The following VWA8 variants were observed in gnomAD, a reference collection of about 807,000 sequenced individuals.
The protein encoded by VWA8 is von Willebrand factor A domain-containing protein 8.
A neutral mutation model predicts 241.5 loss-of-function variants in VWA8; 221 were observed. That is an observed-to-expected ratio of 0.91 (90% CI 0.82 to 1.02). The LOEUF (loss-of-function observed/expected upper bound fraction) is 1.02. VWA8 is among the 50% of genes least tolerant of loss of function. VWA8 has a pLI of 0.00. For missense variants in VWA8, 2,322 were observed against 2,328.7 expected (o/e 1.00, Z 0.06); for synonymous variants, 852 against 827.1 (o/e 1.03, Z -0.52).
chr13:41,861,159 C>T (rs1358334436), intron 12 of VWA8, among the ~76,000 whole-genome samples: 2 of 151,780 alleles, frequency 1.3e-5, no homozygotes, highest in East Asian at 1.9e-4. Context: ...TGCCGTGAGC[C>T]GAGACTGCAC....
chr13:41,892,251 T>A (rs1001118401), intron 4 of VWA8, among the ~76,000 whole-genome samples: 9 of 152,234 alleles, frequency 5.9e-5, no homozygotes, highest in East Asian at 1.9e-4. Context: ...ACTATAGATA[T>A]GAAAAAAATA....
intron 6 of VWA8, 67 bp downstream of exon 6, chr13:41,887,130 A>G (rs1593846180): frequency 9.8e-6 from 15 of 1,528,480 alleles, no homozygotes; most frequent in East Asian, 9.3e-5. Flanking sequence ...ACATTTTTAT[A>G]GCATTGAAGT....
chr13:41,835,735 T>C (rs1383474060), intron 12 of VWA8, among the ~76,000 whole-genome samples: 1 of 152,184 alleles, frequency 6.6e-6, no homozygotes, highest in African/African-American at 2.4e-5. Context: ...CATATAAATA[T>C]ATATGTGTCT....
At chr13:41,920,756 G>A (rs918561731) in intron 2 of VWA8, among the ~76,000 whole-genome samples, 19 of 152,136 alleles carry the variant, frequency 1.2e-4, no homozygotes, top group Non-Finnish European at 8.8e-5. Context: ...GTGAATCCCT[G>A]AAAAGACCAA....
intron 14 of VWA8, among the ~76,000 whole-genome samples, chr13:41,822,187 T>C (rs1870987565): frequency 6.6e-6 from 1 of 152,136 alleles, no homozygotes; most frequent in South Asian, 2.1e-4. Flanking sequence ...ACAGAGCTTT[T>C]AATAAAACAA....
chr13:41,745,046 T>C (rs920803586), intron 21 of VWA8, among the ~76,000 whole-genome samples: 1 of 152,058 alleles, frequency 6.6e-6, no homozygotes, highest in African/African-American at 2.4e-5. Flanking sequence ...TTCACCATGT[T>C]AGCCAGGATG....
chr13:41,610,726 AACT>A (rs1409403055), intron 39 of VWA8, among the ~76,000 whole-genome samples: 1 of 152,126 alleles, frequency 6.6e-6, no homozygotes, highest in African/African-American at 2.4e-5. Flanking sequence ...CTGTTTCCCA[AACT>A]ACTACCAGGT....
At chr13:41,657,517 C>CT (rs2044915647) in intron 37 of VWA8, among the ~76,000 whole-genome samples, 1 of 145,686 alleles carries the variant, frequency 6.9e-6, no homozygotes, top group African/African-American at 2.5e-5. Flanking sequence ...GAGTCTCACT[C>CT]TGTCGCCCAG....
At chr13:41,664,357 G>T (rs1330755908) in intron 37 of VWA8, among the ~76,000 whole-genome samples, 1 of 150,866 alleles carries the variant, frequency 6.6e-6, no homozygotes, top group Non-Finnish European at 1.5e-5. Flanking sequence ...CTTTATCCAT[G>T]GGGTTCTAAA....
intron 20 of VWA8, among the ~76,000 whole-genome samples, chr13:41,763,577 T>A (rs1566447046): frequency 6.6e-6 from 1 of 152,206 alleles, no homozygotes; most frequent in African/African-American, 2.4e-5. Flanking sequence ...AAATTACAAC[T>A]GGTATGTAAA....
chr13:41,787,881 G>A (rs1419107253), intron 17 of VWA8, among the ~76,000 whole-genome samples: 1 of 152,066 alleles, frequency 6.6e-6, no homozygotes, highest in African/African-American at 2.4e-5. Flanking sequence ...ATTTTCTTAA[G>A]TAGATTAAAC....
intron 4 of VWA8, among the ~76,000 whole-genome samples, chr13:41,898,920 C>A (rs1181147585): frequency 6.6e-6 from 1 of 152,156 alleles, no homozygotes; most frequent in African/African-American, 2.4e-5. Flanking sequence ...CAAGCTGGCC[C>A]GCAAGCGCCG....
intron 39 of VWA8, among the ~76,000 whole-genome samples, chr13:41,609,639 G>C (rs2044574647): frequency 6.6e-6 from 1 of 152,108 alleles, no homozygotes; most frequent in Admixed American, 6.6e-5. Flanking sequence ...CAAATGGGAT[G>C]AAAGTCCCAT....
chr13:41,917,650 C>T (rs375379524), intron 2 of VWA8, among the ~76,000 whole-genome samples: 1 of 152,162 alleles, frequency 6.6e-6, no homozygotes, highest in Admixed American at 6.5e-5. Flanking sequence ...GTACCCTGGA[C>T]ACCAGGCTGT....
At chr13:41,622,220 A>C (rs1352526489) in intron 37 of VWA8, among the ~76,000 whole-genome samples, 4 of 152,292 alleles carry the variant, frequency 2.6e-5, no homozygotes, top group Non-Finnish European at 5.9e-5. Context: ...AAAAGATGCA[A>C]GTCAGGAATT....
intron 1 of VWA8, among the ~76,000 whole-genome samples, chr13:41,956,277 A>T (rs866137901): frequency 2.8e-4 from 43 of 152,192 alleles, no homozygotes; most frequent in African/African-American, 1.0e-3. Flanking sequence ...AGACATTGCT[A>T]AATGTCCCCT....
At chr13:41,719,835 G>A in intron 25 of VWA8, 93 bp from the exon 26 acceptor site, 1 of 1,190,648 alleles carries the variant, frequency 8.4e-7, no homozygotes, top group Non-Finnish European at 1.1e-6. Flanking sequence ...ATGATCAAAT[G>A]AACTACAGCA....
Position 41,628,838 on chromosome 13 carries a change from C to T in VWA8, c.4612-13754G>A, listed in dbSNP as rs187501882. Among the ~76,000 whole-genome samples the T allele has an allele frequency of 1.6e-4, 25 of 152,172 alleles. No individual in the cohort carries two copies. The East Asian group carries it at 2.7e-3, about 16-fold the overall frequency. On this transcript the variant is annotated intron_variant, in intron 37 of 44. Transcript: ENST00000379310. ...TGGGCAGATCATGAGGTCAAGAGAT[C>T]GAGACCATCCTCGCCAACATGGTGA...
chr13:41,660,871 T>C (rs552773045), intron 37 of VWA8, among the ~76,000 whole-genome samples: 2 of 152,130 alleles, frequency 1.3e-5, no homozygotes, highest in South Asian at 2.1e-4. Flanking sequence ...TCTCTGAGAA[T>C]TGGGTTTCTT....
Sources: allele counts gnomAD v4.1 joint callset (sites outside exome capture counted in the v4.1 genomes callset), GRCh38; gene constraint gnomAD v4.1.1; transcripts MANE v1.5; gene names NCBI Gene and HGNC (gene_info 2026-07-23, HGNC 2026-07-21).